COL25A1: variants seen among roughly 807,000 people sequenced by gnomAD.
The protein encoded by COL25A1 is collagen type XXV alpha 1 chain, also known as collagen alpha-1(XXV) chain.
A neutral mutation model predicts 128.4 loss-of-function variants in COL25A1; 103 were observed. The observed-to-expected ratio is 0.80, with a 90% CI of 0.68 to 0.94. The LOEUF (loss-of-function observed/expected upper bound fraction) is 0.94, where lower values mean the gene tolerates loss of function less well. Ranked by LOEUF, COL25A1 falls within the 40% of genes least tolerant of loss-of-function variation. COL25A1 has a pLI of 0.00. For synonymous variants in COL25A1, 279 were observed against 277.2 expected, an observed-to-expected ratio of 1.01 and a Z score of -0.06; for missense variants, 745 against 840.0, an observed-to-expected ratio of 0.89 and a Z score of 1.40.
chr4:108,850,935 G>A (rs908058054), intron 26 of COL25A1, among the ~76,000 whole-genome samples: 1 of 152,114 alleles, frequency 6.6e-6, no homozygotes, highest in African/African-American at 2.4e-5. Flanking sequence ...CCTTTGGACT[G>A]TAGAGAAGAG....
chr4:108,964,571 T>A (rs1397292813), intron 8 of COL25A1, among the ~76,000 whole-genome samples: 1 of 152,122 alleles, frequency 6.6e-6, no homozygotes, highest in African/African-American at 2.4e-5. Context: ...AATCTCTTTT[T>A]TTCATATTTG....
rs1290731824 is a variant in COL25A1, at chr4:108,813,533, T to C, written c.*394A>G. On this transcript the variant is annotated 3_prime_UTR_variant, in exon 38 of 38. Coordinates refer to ENST00000399132, the MANE Select transcript of COL25A1 (RefSeq NM_198721.4). Reference sequence around the variant, plus strand: ...TCAGCTCTAAAATCAGTCAGTATAGTACATTTTCATAGCTTTGAGTCCATA... The same window carrying C: ...TCAGCTCTAAAATCAGTCAGTATAGCACATTTTCATAGCTTTGAGTCCATA... The C allele has an allele frequency of 3.6e-5, 7 of 193,262 alleles. No individual in the cohort carries two copies. The highest frequency in any genetic ancestry group is 5.3e-5 in the Non-Finnish European group (5 of 93,770). 12.0% of individuals were successfully genotyped at this position (193,262 alleles called of 1,614,324 possible).
chr4:109,071,276 T>C (rs1261162956), intron 3 of COL25A1, among the ~76,000 whole-genome samples: 9 of 152,014 alleles, frequency 5.9e-5, no homozygotes, highest in African/African-American at 1.2e-4. Context: ...CCCTTCCTTA[T>C]ACCTTATACA....
At chr4:108,836,174 A>G (rs184684812) in intron 31 of COL25A1, among the ~76,000 whole-genome samples, 3 of 152,094 alleles carry the variant, frequency 2.0e-5, no homozygotes, top group African/African-American at 7.2e-5. Context: ...CCGGCCTTAC[A>G]TACGTCTTTT....
intron 3 of COL25A1, among the ~76,000 whole-genome samples, chr4:109,139,678 T>C (rs565221088): frequency 6.6e-6 from 1 of 152,154 alleles, no homozygotes; most frequent in African/African-American, 2.4e-5. Flanking sequence ...TAGTTTTTTT[T>C]AATTATTATT....
intron 13 of COL25A1, among the ~76,000 whole-genome samples, chr4:108,908,965 A>G (rs1213715832): frequency 6.6e-6 from 1 of 152,168 alleles, no homozygotes; most frequent in Non-Finnish European, 1.5e-5. Flanking sequence ...AAACCTGAAA[A>G]GACATCTCAA....
intron 19 of COL25A1, 81 bp downstream of exon 19, chr4:108,884,097 A>AT: frequency 1.4e-6 from 2 of 1,387,328 alleles, no homozygotes; most frequent in Non-Finnish European, 2.0e-6. Context: ...TTTAGTTTCC[A>AT]TTTTTCCCTA....
intron 6 of COL25A1, among the ~76,000 whole-genome samples, chr4:108,990,399 A>C (rs1754115933): frequency 6.6e-6 from 1 of 151,506 alleles, no homozygotes; most frequent in Non-Finnish European, 1.5e-5. Flanking sequence ...TACTTCACTG[A>C]AGAACATTTT....
chr4:109,199,967 T>C (rs1232298109), intron 3 of COL25A1, among the ~76,000 whole-genome samples: 1 of 152,194 alleles, frequency 6.6e-6, no homozygotes, highest in Non-Finnish European at 1.5e-5. Context: ...TTAGTTATTT[T>C]AAACTGCTGA....
intron 5 of COL25A1, among the ~76,000 whole-genome samples, chr4:109,011,418 T>G (rs778839050): frequency 8.6e-6 from 1 of 115,792 alleles, no homozygotes; most frequent in Admixed American, 9.4e-5. Flanking sequence ...TGCCTGAAAA[T>G]GTAGTTGGCA....
chr4:109,040,852 G>T (rs1457581273), intron 5 of COL25A1, among the ~76,000 whole-genome samples: 2 of 151,962 alleles, frequency 1.3e-5, no homozygotes, highest in African/African-American at 2.4e-5. Context: ...GTCTGTTTTG[G>T]TTTTTTATTT....
intron 8 of COL25A1, among the ~76,000 whole-genome samples, chr4:108,972,008 T>G (rs1293790964): frequency 1.3e-5 from 2 of 152,100 alleles, no homozygotes; most frequent in Non-Finnish European, 2.9e-5. Flanking sequence ...GATCTTCAAG[T>G]TTTTCCAGCT....
chr4:109,128,122 T>C (rs1768807266), intron 3 of COL25A1, among the ~76,000 whole-genome samples: 1 of 152,086 alleles, frequency 6.6e-6, no homozygotes, highest in Admixed American at 6.6e-5. Flanking sequence ...CCTAAAACAA[T>C]AGCCAAGGAA....
At chr4:109,214,192 T>C (rs57824908) in intron 3 of COL25A1, among the ~76,000 whole-genome samples, 46,418 of 151,860 alleles carry the variant, frequency 0.31, 7,458 homozygotes, top group Middle Eastern at 0.4. Context: ...TCATAAATGG[T>C]CCATTTTGAC....
At chr4:109,049,810 C>T (rs1227334974) in intron 4 of COL25A1, among the ~76,000 whole-genome samples, 2 of 152,130 alleles carry the variant, frequency 1.3e-5, no homozygotes, top group Non-Finnish European at 2.9e-5. Flanking sequence ...GTGATGCTAT[C>T]ACACCGTGTG....
chr4:109,301,914 C>G lies in COL25A1; in HGVS notation c.106G>C (p.Val36Leu). Residue 36 changes from valine (V) to leucine (L), a missense_variant, in exon 2 of 38, where the codon GTC becomes CTC. Val to Leu is a conservative substitution (Grantham distance 32, BLOSUM62 1). Around this residue, in one of 3 missense-constraint regions of COL25A1, gnomAD observed 319 missense variants for 324.9 expected, o/e 0.98. Transcript: ENST00000399132. ...HCARTMPPCA[V>L]LAALLSVVAV... ...ACCACTGACAGGAGGGCCGCCAGGA[C>G]GGCACACGGGGGCATGGTCCGGGCA... 1 of 1,614,108 alleles carries G rather than the reference C, an allele frequency of 6.2e-7. No individual in the cohort carries two copies. The highest frequency in any genetic ancestry group is 8.5e-7 in the Non-Finnish European group (1 of 1,180,024).
At chr4:109,187,822 A>G (rs1294848003) in intron 3 of COL25A1, among the ~76,000 whole-genome samples, 1 of 152,172 alleles carries the variant, frequency 6.6e-6, no homozygotes, top group Non-Finnish European at 1.5e-5. Flanking sequence ...AAGTACATCA[A>G]CCTTAGAAAA....
chr4:108,999,443 A>G (rs1347840930), intron 6 of COL25A1, among the ~76,000 whole-genome samples: 1 of 152,164 alleles, frequency 6.6e-6, no homozygotes, highest in Non-Finnish European at 1.5e-5. Context: ...TTAGAATGGC[A>G]ATAATTAAAA....
intron 5 of COL25A1, among the ~76,000 whole-genome samples, chr4:109,030,798 G>A (rs1335606177): frequency 6.6e-6 from 1 of 152,150 alleles, no homozygotes; most frequent in African/African-American, 2.4e-5. Context: ...TGTCACCCAA[G>A]CTGGAGTGCA....
Sources: allele counts gnomAD v4.1 joint callset (sites outside exome capture counted in the v4.1 genomes callset), GRCh38; gene constraint gnomAD v4.1.1; regional missense constraint gnomAD v4.1.1; transcripts MANE v1.5; gene names NCBI Gene and HGNC (gene_info 2026-07-23, HGNC 2026-07-21).